The following TENM4 variants were observed in gnomAD, a reference collection of about 807,000 sequenced individuals.
TENM4 encodes the protein teneurin-4.
In TENM4, 82 loss-of-function variants were observed where a neutral mutation model predicts 243.3. The ratio of observed to expected loss-of-function variants is 0.34; its 90% CI spans 0.28 to 0.40. The LOEUF (loss-of-function observed/expected upper bound fraction) is 0.40. TENM4 is among the 10% of genes least tolerant of loss of function. The pLI, the probability that TENM4 is intolerant of heterozygous loss-of-function variation, is 1.00. For missense variants in TENM4, 3,138 were observed against 3,673.3 expected (o/e 0.85, Z 3.77); for synonymous variants, 1,412 against 1,456.3 (o/e 0.97, Z 0.69).
At chr11:79,407,423 T>C (rs1858596200) in intron 1 of TENM4, among the ~76,000 whole-genome samples, 1 of 152,266 alleles carries the variant, frequency 6.6e-6, no homozygotes, top group Non-Finnish European at 1.5e-5. Flanking sequence ...ATATTTATGA[T>C]ATGCTTGATA....
At chr11:79,300,114 C>T (rs1378301888) in intron 1 of TENM4, among the ~76,000 whole-genome samples, 1 of 152,186 alleles carries the variant, frequency 6.6e-6, no homozygotes, top group East Asian at 1.9e-4. Flanking sequence ...CTTGCAGACT[C>T]TGTTACACTG....
chr11:79,179,917 A>G (rs1190215430), intron 3 of TENM4, among the ~76,000 whole-genome samples: 1 of 151,722 alleles, frequency 6.6e-6, no homozygotes, highest in Non-Finnish European at 1.5e-5. Flanking sequence ...CATTTTACAG[A>G]TTAAGAAACT....
chr11:78,851,802 C>G (rs1858545863), intron 12 of TENM4, among the ~76,000 whole-genome samples: 2 of 152,210 alleles, frequency 1.3e-5, no homozygotes, highest in African/African-American at 4.8e-5. Context: ...TGACAGGGAA[C>G]AGGCTATACT....
intron 2 of TENM4, among the ~76,000 whole-genome samples, chr11:79,255,131 C>T (rs1421572962): frequency 6.6e-6 from 1 of 152,206 alleles, no homozygotes; most frequent in Non-Finnish European, 1.5e-5. Context: ...TGGTGCAAAT[C>T]TCCCCACAGT....
chr11:78,792,949 C>T (rs1857087979), intron 15 of TENM4, among the ~76,000 whole-genome samples: 1 of 152,118 alleles, frequency 6.6e-6, no homozygotes, highest in African/African-American at 2.4e-5. Flanking sequence ...GGGGTGAACA[C>T]ACGAGGAAGA....
At chr11:79,225,731 G>C (rs921944792) in intron 2 of TENM4, among the ~76,000 whole-genome samples, 1 of 152,032 alleles carries the variant, frequency 6.6e-6, no homozygotes, top group African/African-American at 2.4e-5. Flanking sequence ...CACCTGTCTC[G>C]GCCTCCCTCC....
intron 15 of TENM4, among the ~76,000 whole-genome samples, chr11:78,799,025 A>C (rs1857224954): frequency 6.6e-6 from 1 of 152,162 alleles, no homozygotes; most frequent in Admixed American, 6.5e-5. Flanking sequence ...AGGATAGGCC[A>C]GAAAGATTCA....
At chr11:79,121,977 C>T (rs931723899) in intron 4 of TENM4, among the ~76,000 whole-genome samples, 10 of 152,168 alleles carry the variant, frequency 6.6e-5, no homozygotes, top group African/African-American at 2.4e-4. Flanking sequence ...TTGATGTTGT[C>T]CAAACCTTTT....
At chr11:78,829,545 T>C (rs527543050) in intron 12 of TENM4, among the ~76,000 whole-genome samples, 9 of 152,248 alleles carry the variant, frequency 5.9e-5, no homozygotes, top group South Asian at 4.1e-4. Flanking sequence ...AGCAAAACCA[T>C]TGGGACAGGC....
chr11:79,329,714 A>G (rs1352079803), intron 1 of TENM4, among the ~76,000 whole-genome samples: 1 of 152,206 alleles, frequency 6.6e-6, no homozygotes, highest in Non-Finnish European at 1.5e-5. Context: ...AGGAATACGA[A>G]GAAGGCCAGT....
At chr11:78,938,917 T>C (rs2136448493) in intron 6 of TENM4, among the ~76,000 whole-genome samples, 1 of 152,236 alleles carries the variant, frequency 6.6e-6, no homozygotes, top group South Asian at 2.1e-4. Flanking sequence ...ACAGAAGAGA[T>C]TTGGACTAAC....
At chr11:79,325,513 C>G (rs780800013) in intron 1 of TENM4, among the ~76,000 whole-genome samples, 1 of 152,194 alleles carries the variant, frequency 6.6e-6, no homozygotes, top group Non-Finnish European at 1.5e-5. Flanking sequence ...GCTGTGTGAG[C>G]ATGTGAGCAT....
chr11:79,055,502 A>G (rs886893419), intron 6 of TENM4, among the ~76,000 whole-genome samples: 1 of 152,208 alleles, frequency 6.6e-6, no homozygotes, highest in Non-Finnish European at 1.5e-5. Flanking sequence ...TCGGCCTCCC[A>G]AAGTGCTGGG....
At chr11:78,795,992 GC>G (rs1161777378) in intron 15 of TENM4, among the ~76,000 whole-genome samples, 2 of 152,110 alleles carry the variant, frequency 1.3e-5, no homozygotes, top group African/African-American at 4.8e-5. Context: ...GCTGCTTCAA[GC>G]CATGGCTCTG....
intron 2 of TENM4, among the ~76,000 whole-genome samples, chr11:79,241,377 G>A (rs1186790436): frequency 6.6e-6 from 1 of 151,876 alleles, no homozygotes. Flanking sequence ...AGAGTGGGAG[G>A]GCCTCAGCAT....
At chr11:79,385,451 G>A (rs1323108477) in intron 1 of TENM4, among the ~76,000 whole-genome samples, 1 of 152,058 alleles carries the variant, frequency 6.6e-6, no homozygotes, top group African/African-American at 2.4e-5. Flanking sequence ...CTCTATTTGT[G>A]CCTCATCTAC....
intron 3 of TENM4, among the ~76,000 whole-genome samples, chr11:79,154,055 G>T (rs1212662672): frequency 6.6e-6 from 1 of 152,016 alleles, no homozygotes. Context: ...GTCACCCCTT[G>T]TTCAAGCTCC....
At chr11:78,692,117 G>A (rs1011493885) in intron 28 of TENM4, among the ~76,000 whole-genome samples, 4 of 152,128 alleles carry the variant, frequency 2.6e-5, no homozygotes, top group Non-Finnish European at 4.4e-5. Flanking sequence ...CTCAAGTCCC[G>A]GCCCCATGAT....
intron 18 of TENM4, among the ~76,000 whole-genome samples, chr11:78,758,226 A>G (rs528272963): frequency 6.6e-6 from 1 of 152,230 alleles, no homozygotes; most frequent in African/African-American, 2.4e-5. Flanking sequence ...CTTCCTCACC[A>G]CCGTGGGAGC....
Sources: allele counts gnomAD v4.1 joint callset (sites outside exome capture counted in the v4.1 genomes callset), GRCh38; gene constraint gnomAD v4.1.1; transcripts MANE v1.5; gene names NCBI Gene and HGNC (gene_info 2026-07-23, HGNC 2026-07-21).